The following IL17REL variants were observed in gnomAD, a reference collection of about 807,000 sequenced individuals.
The protein encoded by IL17REL is interleukin 17 receptor E like, also known as interleukin-17 receptor E-like protein.
In IL17REL, 36 loss-of-function variants were observed where a neutral mutation model predicts 49.0. The ratio of observed to expected loss-of-function variants is 0.73; its 90% CI spans 0.56 to 0.97. The LOEUF is 0.97. IL17REL is among the 50% of genes least tolerant of loss of function. IL17REL has a pLI of 0.00. For missense variants in IL17REL, 470 were observed against 453.9 expected (o/e 1.04, Z -0.32); for synonymous variants, 206 against 192.4 (o/e 1.07, Z -0.58).
intron 5 of IL17REL, 71 bp downstream of exon 7, chr22:49,999,757 C>G: frequency 8.2e-7 from 1 of 1,217,644 alleles, no homozygotes; most frequent in Non-Finnish European, 1.0e-6. Flanking sequence ...GGGCCTAAGG[C>G]TGACCGGGGC....
At chr22:50,000,494 C>G (rs137904241) in exon 4 of IL17REL, 1 of 1,613,158 alleles carries the variant, frequency 6.2e-7, no homozygotes, top group African/African-American at 1.3e-5. Context: ...CGAGGTGCCT[C>G]TGGTCCAGCT....
chr22:49,997,517 C>G lies in IL17REL; in HGVS notation c.878-101G>C, dbSNP rs370965339. On this transcript the variant is annotated intron_variant, in intron 10 of 12. Transcript: ENST00000341280. The stretch of plus-strand genomic sequence containing the variant: ...AGTGAAGGGTGAGACCCCCATCCGG[C>G]CCAGCACCCCACCGCCTCCCTTCCT... 3.7e-5 allele frequency: 51 copies of G among 1,362,422 alleles called. 1 individual carries two copies. The South Asian group carries it at 4.2e-4, about 11-fold the overall frequency. 84.4% of individuals were successfully genotyped at this position (1,362,422 alleles called of 1,614,324 possible).
chr22:49,996,793 G>A (rs541963238), exon 13 of IL17REL: 1 of 510,248 alleles, frequency 2.0e-6, no homozygotes, highest in South Asian at 3.0e-5. Flanking sequence ...CCTGAGAGAT[G>A]GGCACCCACT....
rs139705271 is a variant in IL17REL at position 50,006,822 on chromosome 22, G to A, written c.-42+1815C>T. 5.3e-3 allele frequency among the ~76,000 whole-genome samples: 803 copies of A among 151,994 alleles called. 9 individuals are homozygous for A. The highest frequency in any genetic ancestry group is 0.018 in the African/African-American group (766 of 41,484). The stretch of plus-strand genomic sequence containing the variant: ...CACAAAAAATTACCCAGGCATGGTG[G>A]CACATGCCTGTAATCCCAGCTACTC... On this transcript the variant is annotated intron_variant, in intron 1 of 12. Transcript: ENST00000341280.
At chr22:49,996,255 G>A (rs1000190794) in exon 13 of IL17REL, 1 of 152,164 alleles carries the variant, frequency 6.6e-6, no homozygotes, top group Non-Finnish European at 1.5e-5. Flanking sequence ...CCACCTCTGT[G>A]GCTGTTGCGG....
intron 1 of IL17REL, among the ~76,000 whole-genome samples, chr22:50,007,553 G>GA (rs2061116890): frequency 1.3e-5 from 2 of 151,934 alleles, no homozygotes; most frequent in South Asian, 4.2e-4. Flanking sequence ...TTGGGGGGGG[G>GA]ATTCTTAGTA....
intron 1 of IL17REL, among the ~76,000 whole-genome samples, chr22:50,003,600 C>A (rs537261881): frequency 8.6e-5 from 13 of 150,676 alleles, no homozygotes; most frequent in African/African-American, 3.2e-4. Context: ...CTGCACCCAA[C>A]TGACAAAATT....
rs2061058912 is a variant in IL17REL, at chr22:49,999,278, G to A, written c.601+13C>T. The A allele has an allele frequency of 6.2e-7, 1 of 1,612,758 alleles. No individual in the cohort carries two copies. Among genetic ancestry groups the A allele is most frequent in the South Asian group, 1.1e-5 (1 of 91,082 alleles). On this transcript the variant is annotated intron_variant, in intron 7 of 12. Transcript: ENST00000341280. Reference sequence around the variant, plus strand: ...TCCCACCCTTCCGCCCGTTGGCATCGCAGGACACTTGCCGTTTTCAAAGGG... The same window carrying A: ...TCCCACCCTTCCGCCCGTTGGCATCACAGGACACTTGCCGTTTTCAAAGGG...
At chr22:50,004,998 A>G (rs2061101317) in intron 1 of IL17REL, among the ~76,000 whole-genome samples, 1 of 150,974 alleles carries the variant, frequency 6.6e-6, no homozygotes, top group South Asian at 2.1e-4. Flanking sequence ...AAAAAGGTGA[A>G]GCCACGGAGG....
chr22:50,010,274 C>G (rs892919856), upstream of IL17REL, among the ~76,000 whole-genome samples: 1 of 152,240 alleles, frequency 6.6e-6, no homozygotes, highest in Admixed American at 6.5e-5. Context: ...AACGAGGGGC[C>G]GGCGGAGCTG....
At chr22:49,992,535 CT>C (rs2061011434), downstream of IL17REL, among the ~76,000 whole-genome samples, 1 of 152,252 alleles carries the variant, frequency 6.6e-6, no homozygotes, top group Admixed American at 6.5e-5. Context: ...TCAAACAATC[CT>C]CCTGCCTTGG....
intron 3 of IL17REL, 48 bp downstream of exon 4, chr22:50,000,706 G>A (rs995604541): frequency 6.5e-7 from 1 of 1,544,622 alleles, no homozygotes; most frequent in South Asian, 1.2e-5. Context: ...AGGAGGAGTG[G>A]CGCCCAGTCT....
chr22:49,999,231 G>C (rs2061058473), intron 7 of IL17REL, 60 bp downstream of exon 9: 1 of 1,581,788 alleles, frequency 6.3e-7, no homozygotes. Flanking sequence ...CCTCATGGTG[G>C]AGTCAGACTG....
chr22:50,000,094 G>A (rs1321759413), intron 4 of IL17REL, 102 bp downstream of exon 6: 2 of 1,099,334 alleles, frequency 1.8e-6, no homozygotes, highest in Non-Finnish European at 2.4e-6. Context: ...GCCCGCCCGA[G>A]GGCCCCTCAG....
chr22:50,005,019 AC>A, intron 1 of IL17REL, among the ~76,000 whole-genome samples: 1 of 151,188 alleles, frequency 6.6e-6, no homozygotes, highest in Middle Eastern at 3.5e-3. Flanking sequence ...AGAAGGACTC[AC>A]GGTGAGCAAG....
upstream of IL17REL, among the ~76,000 whole-genome samples, chr22:50,010,116 C>A (rs889586168): frequency 1.3e-5 from 2 of 152,254 alleles, no homozygotes; most frequent in Non-Finnish European, 2.9e-5. Flanking sequence ...TGCCGACCAC[C>A]CCAATAACTC....
downstream of IL17REL, among the ~76,000 whole-genome samples, chr22:49,992,779 G>A (rs564027244): frequency 6.6e-6 from 1 of 152,188 alleles, no homozygotes; most frequent in Admixed American, 6.5e-5. Context: ...CACAATGCCT[G>A]GTTAATTTTT....
intron 11 of IL17REL, 65 bp downstream of exon 13, chr22:49,997,255 A>G: frequency 6.6e-7 from 1 of 1,506,536 alleles, no homozygotes; most frequent in Middle Eastern, 1.7e-4. Context: ...ACCACAGGGA[A>G]GTGATGGGGT....
intron 1 of IL17REL, among the ~76,000 whole-genome samples, chr22:50,007,688 TTTG>T (rs1406589979): frequency 6.6e-6 from 1 of 151,974 alleles, no homozygotes; most frequent in Non-Finnish European, 1.5e-5. Context: ...ATGCTTTGCA[TTTG>T]TTGTTTGTTT....
Sources: gnomAD v4.1 joint callset for allele counts (sites outside exome capture counted in the v4.1 genomes callset) on GRCh38, gnomAD v4.1.1 for gene constraint, MANE v1.5 for transcripts, NCBI Gene and HGNC (gene_info 2026-07-23, HGNC 2026-07-21) for gene names.